SAMM50: variants seen among roughly 807,000 people sequenced by gnomAD.
The protein encoded by SAMM50 is SAMM50 sorting and assembly machinery component.
SAMM50 carries 47 observed loss-of-function variants against 66.9 expected under a neutral mutation model. That is an observed-to-expected ratio of 0.70 (90% CI 0.56 to 0.90). The LOEUF is 0.90. Among genes scored for constraint, SAMM50 ranks in the 40% least tolerant of loss-of-function variants. The probability of loss-of-function intolerance (pLI) is 0.00; values close to 1 mark genes in which losing one functional copy is unlikely to be tolerated. For missense variants in SAMM50, 535 were observed against 595.3 expected (o/e 0.90, Z 1.05); for synonymous variants, 191 against 214.1 (o/e 0.89, Z 0.94).
rs1235527275 is a variant in SAMM50 at position 43,989,207 on chromosome 22, T to C, written c.1172T>C (p.Phe391Ser). The change falls in exon 13 of 15, where the codon TTC becomes TCC. Residue 391 changes from phenylalanine to serine, a missense_variant. Coordinates refer to ENST00000350028, the MANE Select transcript of SAMM50 (RefSeq NM_015380.5). ...RPGQGGFGEL[F>S]RTHFFLNAGN... ...GGCCAGGGTGGCTTTGGAGAACTTTTCCGAACACACTTCTTTCTCAACGCA... is the reference window on the plus strand; with the variant it reads ...GGCCAGGGTGGCTTTGGAGAACTTTCCCGAACACACTTCTTTCTCAACGCA... 2 of 1,614,074 alleles carry C rather than the reference T, an allele frequency of 1.2e-6. No homozygotes were observed. Among genetic ancestry groups the C allele is most frequent in the Non-Finnish European group, 1.7e-6 (2 of 1,180,028 alleles).
At chr22:43,968,214 G>GA (rs1259158871) in intron 3 of SAMM50, among the ~76,000 whole-genome samples, 1 of 98,106 alleles carries the variant, frequency 1.0e-5, no homozygotes, top group East Asian at 3.3e-4. Flanking sequence ...GCAGCAGAGC[G>GA]AAACTCTGTC....
At chr22:43,962,455 A>G (rs1174273146) in intron 1 of SAMM50, among the ~76,000 whole-genome samples, 1 of 152,234 alleles carries the variant, frequency 6.6e-6, no homozygotes, top group African/African-American at 2.4e-5. Context: ...ATATTAGATG[A>G]GACACAGCCT....
chr22:43,978,937 C>T (rs2050248375), intron 10 of SAMM50, among the ~76,000 whole-genome samples: 1 of 152,206 alleles, frequency 6.6e-6, no homozygotes, highest in Admixed American at 6.5e-5. Flanking sequence ...CTATTCAGCC[C>T]TTGACTCTGC....
intron 10 of SAMM50, 59 bp from the exon 11 acceptor site, chr22:43,981,332 A>T: frequency 1.5e-6 from 2 of 1,364,492 alleles, no homozygotes; most frequent in Middle Eastern, 3.6e-4. Context: ...CTAGTTGCTG[A>T]TGTTCCTGGA....
intron 1 of SAMM50, among the ~76,000 whole-genome samples, chr22:43,958,111 A>G (rs1388172768): frequency 6.6e-6 from 1 of 152,192 alleles, no homozygotes; most frequent in Admixed American, 6.5e-5. Context: ...GCACTATTGC[A>G]CTTCATTCCC....
intron 3 of SAMM50, among the ~76,000 whole-genome samples, chr22:43,967,213 T>C (rs539759175): frequency 1.6e-4 from 24 of 152,362 alleles, no homozygotes; most frequent in Middle Eastern, 3.4e-3. Flanking sequence ...CTCCCCATGC[T>C]GTCTTTCTAG....
intron 14 of SAMM50, among the ~76,000 whole-genome samples, chr22:43,991,754 G>C (rs2050325973): frequency 6.6e-6 from 1 of 152,228 alleles, no homozygotes; most frequent in South Asian, 2.1e-4. Context: ...TTGCTGTTGG[G>C]TTCTCTTCTT....
chr22:43,988,453 GT>G (rs1469709822), intron 12 of SAMM50: 3 of 152,174 alleles, frequency 2.0e-5, no homozygotes, highest in African/African-American at 4.8e-5. Context: ...TATGTTTTCT[GT>G]TGCTTTATAG....
chr22:43,955,803 G>C (rs1032342124), intron 1 of SAMM50, among the ~76,000 whole-genome samples: 1 of 152,268 alleles, frequency 6.6e-6, no homozygotes, highest in African/African-American at 2.4e-5. Context: ...TGATAGGAGG[G>C]ACGAGACTTG....
At chr22:43,986,474 C>T (rs1055914384) in intron 12 of SAMM50, 1 of 152,192 alleles carries the variant, frequency 6.6e-6, no homozygotes, top group African/African-American at 2.4e-5. Context: ...AGAGGTATCT[C>T]CACATGCTAT....
chr22:43,988,190 C>G (rs1420473516), intron 12 of SAMM50: 1 of 152,146 alleles, frequency 6.6e-6, no homozygotes, highest in Non-Finnish European at 1.5e-5. Flanking sequence ...AGGTTGTTCT[C>G]CTGCAATTTG....
chr22:43,972,338 G>A lies in SAMM50; in HGVS notation c.425G>A (p.Ser142Asn). ...YNTMVGNNEGSMVLGLKLPNL... is the reference protein window; with the variant it reads ...YNTMVGNNEGNMVLGLKLPNL... ...ACCATGGTTGGAAACAATGAAGGCA[G>A]TATGGTATGCTACAGGCTTTTTACT... Residue 142 changes from serine (S) to asparagine (N), a missense_variant, in exon 5 of 15, where the codon AGT becomes AAT. Ser to Asn is a conservative substitution (Grantham distance 46, BLOSUM62 1). Coordinates refer to ENST00000350028, the MANE Select transcript of SAMM50 (RefSeq NM_015380.5). 6.4e-7 allele frequency: 1 copy of A among 1,560,846 alleles called. No homozygotes were observed. Among genetic ancestry groups the A allele is most frequent in the Non-Finnish European group, 8.7e-7 (1 of 1,148,376 alleles).
chr22:43,971,639 A>G (rs556558305), intron 4 of SAMM50, among the ~76,000 whole-genome samples: 29 of 152,320 alleles, frequency 1.9e-4, no homozygotes, highest in South Asian at 8.3e-4. Context: ...TGTTTGCTTA[A>G]GTTTGCTTAA....
chr22:43,964,618 T>C (rs1363132630), intron 3 of SAMM50, 65 bp downstream of exon 3: 5 of 903,060 alleles, frequency 5.5e-6, no homozygotes, highest in Admixed American at 1.8e-5. Context: ...AATGTCCCCA[T>C]GTGAAACCAC....
In SAMM50 at chr22:43,975,583, C is replaced by T. The variant is rs186622579; in HGVS notation, c.649-472C>T. 2.5e-4 allele frequency: 38 copies of T among 154,440 alleles called. 1 individual carries two copies. The South Asian group carries it at 5.1e-3, about 21-fold the overall frequency. The allele number at this position is 154,440 out of a possible 1,614,324, so 9.6% of individuals were successfully genotyped here. The stretch of plus-strand genomic sequence containing the variant: ...GGCCTCTGCTGCAGGAAGGATCCCT[C>T]GCCTCCCACATAACTCTCGTCTCTG... On this transcript the variant is annotated intron_variant, in intron 7 of 14. Transcript: ENST00000350028.
intron 8 of SAMM50, among the ~76,000 whole-genome samples, chr22:43,976,458 G>A (rs2050232628): frequency 6.6e-6 from 1 of 152,244 alleles, no homozygotes; most frequent in South Asian, 2.1e-4. Flanking sequence ...AGCCGACTGA[G>A]GCCAGGGCGT....
intron 4 of SAMM50, among the ~76,000 whole-genome samples, chr22:43,972,013 A>T (rs1403836757): frequency 6.6e-6 from 1 of 152,178 alleles, no homozygotes; most frequent in Non-Finnish European, 1.5e-5. Flanking sequence ...TTATTGATAT[A>T]TTCTACCAGA....
intron 8 of SAMM50, 91 bp from the exon 9 acceptor site, chr22:43,976,659 C>T: frequency 1.1e-6 from 1 of 873,222 alleles, no homozygotes; most frequent in Admixed American, 1.8e-5. Flanking sequence ...TTGTAGAGTG[C>T]TAGCGTGGTG....
chr22:43,986,804 T>C (rs2294927), intron 12 of SAMM50: 72,495 of 152,002 alleles, frequency 0.48, 18,058 homozygotes, highest in African/African-American at 0.62. Flanking sequence ...CTGCCCGCCT[T>C]GGCCCCCCAA....
Sources: allele counts gnomAD v4.1 joint callset (sites outside exome capture counted in the v4.1 genomes callset), GRCh38; gene constraint gnomAD v4.1.1; transcripts MANE v1.5; gene names NCBI Gene and HGNC (gene_info 2026-07-23, HGNC 2026-07-21).